Variants in GRID2 observed in about 807,000 individuals in gnomAD.
The protein encoded by GRID2 is glutamate receptor ionotropic, delta-2.
GRID2 carries 33 observed loss-of-function variants against 114.8 expected under a neutral mutation model. The ratio of observed to expected loss-of-function variants is 0.29; its 90% CI spans 0.22 to 0.38. The LOEUF (loss-of-function observed/expected upper bound fraction) is 0.38. Among genes scored for constraint, GRID2 ranks in the 10% least tolerant of loss-of-function variants. The pLI is 1.00. For missense variants in GRID2, 1,184 were observed against 1,257.7 expected (o/e 0.94, Z 0.89); for synonymous variants, 505 against 449.9 (o/e 1.12, Z -1.55).
intron 8 of GRID2, among the ~76,000 whole-genome samples, chr4:93,326,824 G>T (rs184641034): frequency 1.3e-3 from 195 of 152,168 alleles, no homozygotes; most frequent in Non-Finnish European, 2.4e-3. Context: ...ATCCAATACA[G>T]ATTTTCTGAA....
intron 4 of GRID2, among the ~76,000 whole-genome samples, chr4:93,189,976 T>A (rs1418508460): frequency 6.6e-6 from 1 of 152,130 alleles, no homozygotes; most frequent in Non-Finnish European, 1.5e-5. Context: ...TATTGGTGGT[T>A]TTAATTTCTG....
chr4:92,643,174 T>C (rs1731445436), intron 2 of GRID2, among the ~76,000 whole-genome samples: 1 of 151,824 alleles, frequency 6.6e-6, no homozygotes, highest in African/African-American at 2.4e-5. Flanking sequence ...ACATTGAATA[T>C]GTACATTGCT....
At chr4:92,754,341 G>A (rs900288322) in intron 2 of GRID2, among the ~76,000 whole-genome samples, 1 of 152,122 alleles carries the variant, frequency 6.6e-6, no homozygotes, top group Non-Finnish European at 1.5e-5. Context: ...TCTGCCCCAT[G>A]AGAAGCATGA....
intron 2 of GRID2, among the ~76,000 whole-genome samples, chr4:92,807,589 A>G (rs2149376655): frequency 6.6e-6 from 1 of 152,120 alleles, no homozygotes; most frequent in Non-Finnish European, 1.5e-5. Flanking sequence ...CAAAAGCACT[A>G]CCAAAAGAGA....
intron 9 of GRID2, among the ~76,000 whole-genome samples, chr4:93,413,376 A>G (rs937077570): frequency 1.3e-5 from 2 of 151,982 alleles, no homozygotes; most frequent in South Asian, 2.1e-4. Flanking sequence ...TCATATGTTT[A>G]TTGGTCACAT....
At chr4:92,665,105 A>AT (rs1732707766) in intron 2 of GRID2, among the ~76,000 whole-genome samples, 1 of 147,500 alleles carries the variant, frequency 6.8e-6, no homozygotes, top group Non-Finnish European at 1.5e-5. Flanking sequence ...TTTTGTCCTG[A>AT]TTTTTTGCAT....
At chr4:93,070,469 C>A (rs1728712485) in intron 2 of GRID2, among the ~76,000 whole-genome samples, 1 of 152,022 alleles carries the variant, frequency 6.6e-6, no homozygotes, top group South Asian at 2.1e-4. Flanking sequence ...GCATTTTATG[C>A]TAAGTGAAAT....
chr4:92,401,282 A>G (rs1440834286), intron 1 of GRID2, among the ~76,000 whole-genome samples: 2 of 152,206 alleles, frequency 1.3e-5, no homozygotes, highest in Non-Finnish European at 2.9e-5. Flanking sequence ...AACAATAAAC[A>G]AGTAAAGGAA....
At chr4:92,318,158 A>G (rs913330363) in intron 1 of GRID2, among the ~76,000 whole-genome samples, 6 of 151,870 alleles carry the variant, frequency 4.0e-5, no homozygotes, top group African/African-American at 1.4e-4. Context: ...ATAAATGCAA[A>G]AATCTGACTA....
chr4:93,103,956 G>A (rs556220810), intron 3 of GRID2, among the ~76,000 whole-genome samples: 10 of 151,506 alleles, frequency 6.6e-5, no homozygotes, highest in African/African-American at 2.2e-4. Flanking sequence ...TAGGTACAAG[G>A]GGAGTGTGTG....
chr4:93,378,190 T>C (rs1192401650), intron 8 of GRID2, among the ~76,000 whole-genome samples: 1 of 152,130 alleles, frequency 6.6e-6, no homozygotes, highest in Non-Finnish European at 1.5e-5. Context: ...TGAAAATAAT[T>C]TAATATGTTT....
chr4:93,721,492 T>TAAAGTGAA (rs1319927397), intron 14 of GRID2, among the ~76,000 whole-genome samples: 1 of 152,148 alleles, frequency 6.6e-6, no homozygotes, highest in Non-Finnish European at 1.5e-5. Context: ...TCCTGGTGTC[T>TAAAGTGAA]AAAGTGAAAA....
At chr4:93,570,870 T>C (rs1369876395) in intron 13 of GRID2, among the ~76,000 whole-genome samples, 1 of 152,166 alleles carries the variant, frequency 6.6e-6, no homozygotes, top group African/African-American at 2.4e-5. Context: ...TGGCCCTGAA[T>C]TCCTCTCATT....
At chr4:93,667,868 T>C (rs768980613) in intron 14 of GRID2, among the ~76,000 whole-genome samples, 1 of 152,060 alleles carries the variant, frequency 6.6e-6, no homozygotes, top group Non-Finnish European at 1.5e-5. Context: ...TAATGCAGTG[T>C]AGGATCAGCA....
intron 4 of GRID2, among the ~76,000 whole-genome samples, chr4:93,118,716 A>C (rs921180473): frequency 5.3e-5 from 8 of 152,200 alleles, no homozygotes; most frequent in African/African-American, 1.9e-4. Flanking sequence ...AGAAAGGCAA[A>C]TGAAGCTGGA....
rs149655993 is a variant in GRID2 at position 93,682,944 on chromosome 4, A to G, written c.2360+56509A>G. Among the ~76,000 whole-genome samples, 1,266 of 152,058 alleles carry G rather than the reference A, an allele frequency of 8.3e-3. 7 individuals carry two copies. Among genetic ancestry groups the G allele is most frequent in the Non-Finnish European group, 0.011 (749 of 67,976 alleles). On this transcript the variant is annotated intron_variant, in intron 14 of 15. Transcript: ENST00000282020. ...CTTAAAGTATAATAATAATAAAAAA[A>G]AAAGAAAGAAAAGAAAAACACCCGT...
intron 2 of GRID2, among the ~76,000 whole-genome samples, chr4:92,872,097 T>C (rs1045399285): frequency 9.2e-5 from 14 of 152,152 alleles, no homozygotes; most frequent in Admixed American, 6.6e-5. Flanking sequence ...TGAAATTGAT[T>C]TAGAATAATT....
intron 4 of GRID2, among the ~76,000 whole-genome samples, chr4:93,140,970 T>C (rs900296489): frequency 7.9e-5 from 12 of 152,302 alleles, no homozygotes; most frequent in African/African-American, 2.6e-4. Context: ...ATGTCACATT[T>C]TGACAAACTG....
At chr4:93,614,285 G>C (rs867897261) in intron 13 of GRID2, among the ~76,000 whole-genome samples, 16 of 152,170 alleles carry the variant, frequency 1.1e-4, no homozygotes, top group Non-Finnish European at 4.4e-5. Context: ...CGTCGCTCAC[G>C]CTGGGAGCTG....
Sources: allele counts gnomAD v4.1 joint callset (sites outside exome capture counted in the v4.1 genomes callset), GRCh38; gene constraint gnomAD v4.1.1; transcripts MANE v1.5; gene names NCBI Gene and HGNC (gene_info 2026-07-23, HGNC 2026-07-21).